Variants in PTPRT observed in about 807,000 individuals in gnomAD.
PTPRT encodes the protein receptor-type tyrosine-protein phosphatase T.
A neutral mutation model predicts 176.8 loss-of-function variants in PTPRT; 56 were observed. The observed-to-expected ratio is 0.32, with a 90% confidence interval of 0.26 to 0.40. PTPRT has a LOEUF of 0.40. PTPRT is among the 10% of genes least tolerant of loss of function. The pLI is 1.00. For missense variants in PTPRT, 1,540 were observed against 1,908.2 expected, an observed-to-expected ratio of 0.81 and a Z score of 3.60; for synonymous variants, 783 against 739.0, an observed-to-expected ratio of 1.06 and a Z score of -0.96.
At chr20:43,108,982 C>A (rs1335417545) in intron 1 of PTPRT, among the ~76,000 whole-genome samples, 2 of 152,152 alleles carry the variant, frequency 1.3e-5, no homozygotes, top group African/African-American at 4.8e-5. Context: ...CACTTAAATT[C>A]TAAGACCAGA....
At chr20:42,541,875 T>C (rs1875070717) in intron 7 of PTPRT, among the ~76,000 whole-genome samples, 1 of 151,346 alleles carries the variant, frequency 6.6e-6, no homozygotes, top group Admixed American at 6.6e-5. Flanking sequence ...TGGCTAAAAT[T>C]ACTGTAAAAC....
chr20:42,428,713 A>G (rs1211892731), intron 9 of PTPRT, among the ~76,000 whole-genome samples: 1 of 152,030 alleles, frequency 6.6e-6, no homozygotes, highest in South Asian at 2.1e-4. Context: ...CGATGAAGTC[A>G]CCTCCATTGT....
At chr20:43,035,621 A>G (rs902909816) in intron 1 of PTPRT, among the ~76,000 whole-genome samples, 2 of 152,218 alleles carry the variant, frequency 1.3e-5, no homozygotes, top group Admixed American at 6.5e-5. Context: ...CGGAAGGAAG[A>G]GAGGAAATTT....
At chr20:42,338,446 G>A (rs1017154160) in intron 11 of PTPRT, among the ~76,000 whole-genome samples, 1 of 152,150 alleles carries the variant, frequency 6.6e-6, no homozygotes, top group Admixed American at 6.5e-5. Flanking sequence ...GCATCCCAAA[G>A]CTTCAACTCC....
intron 1 of PTPRT, among the ~76,000 whole-genome samples, chr20:42,980,548 A>G (rs2867591): frequency 0.85 from 129,060 of 152,252 alleles, 55,065 homozygotes; most frequent in African/African-American, 0.95. Context: ...TTCTTCAGAA[A>G]CTGCCTAAGC....
intron 1 of PTPRT, among the ~76,000 whole-genome samples, chr20:43,117,558 C>T (rs1035329484): frequency 6.6e-6 from 1 of 152,078 alleles, no homozygotes; most frequent in African/African-American, 2.4e-5. Flanking sequence ...TGAACTGAGC[C>T]ATATCTCCAA....
In PTPRT at chr20:42,325,426, G is replaced by A. The variant is rs148793208; in HGVS notation, c.1866-9430C>T. ...GAGGAAGAAAATATGTTGGGTAAAG[G>A]AATCATGAAAATCCAGTTGAAGCAT... On this transcript the variant is annotated intron_variant, in intron 11 of 30. Coordinates refer to ENST00000373187, the MANE Select transcript of PTPRT (RefSeq NM_007050.6). Among the ~76,000 whole-genome samples the A allele has an allele frequency of 9.7e-4, 147 of 152,240 alleles. 1 individual carries two copies. Among genetic ancestry groups the A allele is most frequent in the Middle Eastern group, 6.8e-3 (2 of 294 alleles).
chr20:42,495,063 C>T (rs1188840253), intron 7 of PTPRT, among the ~76,000 whole-genome samples: 1 of 152,160 alleles, frequency 6.6e-6, no homozygotes, highest in Non-Finnish European at 1.5e-5. Context: ...TCTTGTCTTC[C>T]TCACTGAAAT....
At chr20:42,633,298 A>C (rs1414318063) in intron 7 of PTPRT, among the ~76,000 whole-genome samples, 4 of 152,184 alleles carry the variant, frequency 2.6e-5, no homozygotes, top group Non-Finnish European at 5.9e-5. Context: ...TATTTTATGT[A>C]CTGGAATTTG....
intron 9 of PTPRT, among the ~76,000 whole-genome samples, chr20:42,406,203 T>A (rs997206748): frequency 1.3e-5 from 2 of 152,070 alleles, no homozygotes; most frequent in African/African-American, 4.8e-5. Flanking sequence ...TATTTTCTTT[T>A]TAGCGAAGTA....
chr20:42,411,213 G>A (rs1158138102), intron 9 of PTPRT, among the ~76,000 whole-genome samples: 3 of 152,112 alleles, frequency 2.0e-5, no homozygotes, highest in Non-Finnish European at 4.4e-5. Context: ...GGGAGGCCGA[G>A]GCGGGCAGAT....
chr20:42,356,289 C>T (rs1193009024), intron 9 of PTPRT, among the ~76,000 whole-genome samples: 1 of 152,080 alleles, frequency 6.6e-6, no homozygotes, highest in African/African-American at 2.4e-5. Context: ...GCACATCAAC[C>T]CTGGGCTCCT....
chr20:42,862,131 T>A (rs1432889676), intron 2 of PTPRT, among the ~76,000 whole-genome samples: 1 of 152,160 alleles, frequency 6.6e-6, no homozygotes, highest in Non-Finnish European at 1.5e-5. Flanking sequence ...GTACAAAGAC[T>A]TGAAGATCTG....
chr20:42,770,114 A>G (rs1416532607), intron 5 of PTPRT, among the ~76,000 whole-genome samples: 1 of 152,170 alleles, frequency 6.6e-6, no homozygotes, highest in Non-Finnish European at 1.5e-5. Context: ...TTATACCTCA[A>G]TAAAGCTAGT....
chr20:42,573,780 A>G (rs1034844567), intron 7 of PTPRT, among the ~76,000 whole-genome samples: 2 of 118,112 alleles, frequency 1.7e-5, no homozygotes, highest in Non-Finnish European at 3.3e-5. Flanking sequence ...ATGGAGTCTC[A>G]CTCTGTCACC....
At chr20:42,929,247 T>G (rs1194107878) in intron 1 of PTPRT, among the ~76,000 whole-genome samples, 1 of 152,258 alleles carries the variant, frequency 6.6e-6, no homozygotes, top group Non-Finnish European at 1.5e-5. Flanking sequence ...AACAGGAGAC[T>G]AATTAAATAA....
intron 1 of PTPRT, among the ~76,000 whole-genome samples, chr20:43,178,319 G>A (rs562314816): frequency 1.3e-5 from 2 of 152,252 alleles, no homozygotes; most frequent in Admixed American, 1.3e-4. Flanking sequence ...GCTTCTTTAA[G>A]GCTAGAAGCT....
intron 6 of PTPRT, among the ~76,000 whole-genome samples, chr20:42,683,061 C>A (rs1046742013): frequency 6.6e-6 from 1 of 152,068 alleles, no homozygotes; most frequent in African/African-American, 2.4e-5. Flanking sequence ...ACACTTTACA[C>A]CACACGTCTC....
At chr20:42,531,669 C>T (rs529280209) in intron 7 of PTPRT, among the ~76,000 whole-genome samples, 6 of 152,300 alleles carry the variant, frequency 3.9e-5, no homozygotes, top group East Asian at 3.9e-4. Flanking sequence ...AATAACGCCA[C>T]GTGCAAGCAA....
Sources: gnomAD v4.1 joint callset for allele counts (sites outside exome capture counted in the v4.1 genomes callset) on GRCh38, gnomAD v4.1.1 for gene constraint, MANE v1.5 for transcripts, NCBI Gene and HGNC (gene_info 2026-07-23, HGNC 2026-07-21) for gene names.